The following METTL6 variants were observed in gnomAD, a reference collection of about 807,000 sequenced individuals.
The protein encoded by METTL6 is tRNA N(3)-cytidine methyltransferase METTL6.
In METTL6, 22 loss-of-function variants were observed where a neutral mutation model predicts 26.4. The observed-to-expected ratio is 0.83, with a 90% CI of 0.59 to 1.19. The LOEUF is 1.19. Among genes scored for constraint, METTL6 ranks in the 50% most tolerant of loss-of-function variants. METTL6 has a pLI of 0.00. For missense variants in METTL6, 304 were observed against 324.8 expected, an observed-to-expected ratio of 0.94 and a Z score of 0.49; for synonymous variants, 109 against 116.2, an observed-to-expected ratio of 0.94 and a Z score of 0.40.
intron 3 of METTL6, among the ~76,000 whole-genome samples, chr3:15,419,460 C>T (rs567334158): frequency 1.3e-5 from 2 of 152,300 alleles, no homozygotes; most frequent in East Asian, 3.9e-4. Context: ...AATAAACTCA[C>T]AGCTAACTAT....
intron 6 of METTL6, among the ~76,000 whole-genome samples, chr3:15,392,882 C>T (rs968350138): frequency 1.4e-4 from 22 of 152,154 alleles, no homozygotes; most frequent in Non-Finnish European, 2.9e-4. Context: ...CAGTACCATG[C>T]TGTTTTGCTT....
intron 6 of METTL6, among the ~76,000 whole-genome samples, chr3:15,402,750 G>GA (rs1457921389): frequency 1.6e-5 from 2 of 127,834 alleles, no homozygotes; most frequent in African/African-American, 3.1e-5. Context: ...AAAAAAAAAA[G>GA]AAAAAGAAAA....
At chr3:15,385,771 T>C (rs534397474) in intron 6 of METTL6, among the ~76,000 whole-genome samples, 7 of 152,346 alleles carry the variant, frequency 4.6e-5, no homozygotes, top group Admixed American at 1.3e-4. Flanking sequence ...GCAACTTAAC[T>C]TGAATCTGTG....
chr3:15,384,186 AC>A (rs767866097), exon 7 of METTL6: 3 of 372,674 alleles, frequency 8.0e-6, no homozygotes, highest in African/African-American at 2.3e-5. Context: ...TTTGTTTGAG[AC>A]CTGAAAAAGA....
chr3:15,417,091 G>A (rs1456448133), intron 3 of METTL6, among the ~76,000 whole-genome samples: 3 of 152,218 alleles, frequency 2.0e-5, no homozygotes, highest in Non-Finnish European at 4.4e-5. Context: ...AGGATCGCTT[G>A]AGTTCAAAGC....
At chr3:15,413,863 C>T (rs202247427) in intron 5 of METTL6, 158 bp downstream of exon 5, 15 of 1,516,008 alleles carry the variant, frequency 9.9e-6, no homozygotes, top group Non-Finnish European at 1.3e-5. Context: ...AGGTCTGTGC[C>T]TTCCAGGTGC....
intron 6 of METTL6, among the ~76,000 whole-genome samples, chr3:15,401,147 C>A (rs1288774316): frequency 6.6e-6 from 1 of 152,120 alleles, no homozygotes; most frequent in African/African-American, 2.4e-5. Context: ...TCACGCCATT[C>A]TCCTGCCTCA....
chr3:15,424,811 G>T, intron 3 of METTL6, 144 bp downstream of exon 3: 1 of 1,012,972 alleles, frequency 9.9e-7, no homozygotes, highest in Non-Finnish European at 1.5e-6. Flanking sequence ...GTATATGTAT[G>T]TAAGCAGGAC....
chr3:15,384,543 C>A (rs1242999125), intron 6 of METTL6: 1 of 157,000 alleles, frequency 6.4e-6, no homozygotes, highest in African/African-American at 2.4e-5. Context: ...GAGTTCAGGA[C>A]CAGCCTGGGC....
At chr3:15,392,079 C>T (rs1450684187) in intron 6 of METTL6, among the ~76,000 whole-genome samples, 1 of 152,106 alleles carries the variant, frequency 6.6e-6, no homozygotes, top group East Asian at 1.9e-4. Context: ...ACCACACTGA[C>T]TTCCACAATG....
intron 6 of METTL6, among the ~76,000 whole-genome samples, chr3:15,386,136 T>C (rs563291665): frequency 6.6e-6 from 1 of 152,290 alleles, no homozygotes; most frequent in South Asian, 2.1e-4. Context: ...TGGCAAAGGG[T>C]GGGCAATTTC....
At position 15,426,631 on chromosome 3, in the gene METTL6, G is replaced by A. The variant is rs2061731275; in HGVS notation, c.-120C>T. 1 of 872,276 alleles carries A rather than the reference G, an allele frequency of 1.1e-6. No individual in the cohort carries two copies. Among genetic ancestry groups the A allele is most frequent in the Non-Finnish European group, 1.8e-6 (1 of 561,764 alleles). 54.0% of individuals were successfully genotyped at this position (872,276 alleles called of 1,614,324 possible). On this transcript the variant is annotated 5_prime_UTR_variant, in exon 2 of 6. Transcript: ENST00000383790. ...TGAGTTTCACGCCTCAAACAGCACA[G>A]GGGGCTTCGCAGAGAAAAGAATTAG... is the stretch of plus-strand genomic sequence containing the variant.
chr3:15,426,201 A>G (rs758987695), intron 2 of METTL6, 86 bp downstream of exon 2: 12 of 1,342,654 alleles, frequency 8.9e-6, no homozygotes, highest in South Asian at 1.3e-5. Flanking sequence ...GGCCTCCCCA[A>G]GTACTGGGAT....
At chr3:15,411,683 C>A (rs1001229441) in intron 5 of METTL6, among the ~76,000 whole-genome samples, 6 of 151,838 alleles carry the variant, frequency 4.0e-5, no homozygotes, top group African/African-American at 1.5e-4. Flanking sequence ...TCGCATCTTG[C>A]CTTATTATGA....
At chr3:15,394,420 C>T (rs554525421) in intron 6 of METTL6, among the ~76,000 whole-genome samples, 1 of 152,242 alleles carries the variant, frequency 6.6e-6, no homozygotes, top group East Asian at 1.9e-4. Flanking sequence ...AGCGGTCTAT[C>T]AATTTTGTTG....
chr3:15,416,756 C>A (rs1297688202), intron 3 of METTL6, among the ~76,000 whole-genome samples: 1 of 152,134 alleles, frequency 6.6e-6, no homozygotes, highest in Non-Finnish European at 1.5e-5. Flanking sequence ...GGCTTCAACA[C>A]ATGTATAGGA....
At chr3:15,389,746 T>C (rs1366967296) in intron 6 of METTL6, among the ~76,000 whole-genome samples, 2 of 151,532 alleles carry the variant, frequency 1.3e-5, no homozygotes, top group Admixed American at 1.3e-4. Context: ...ATGGGGTTTC[T>C]CCATGTTGGT....
chr3:15,384,551 G>C (rs1387171633), intron 6 of METTL6: 1 of 156,336 alleles, frequency 6.4e-6, no homozygotes, highest in African/African-American at 2.4e-5. Context: ...GACCAGCCTG[G>C]GCAACATAGC....
intron 3 of METTL6, among the ~76,000 whole-genome samples, chr3:15,419,861 CTTTTTTTT>C (rs1324825917): frequency 7.6e-6 from 1 of 132,352 alleles, no homozygotes; most frequent in Non-Finnish European, 1.6e-5. Flanking sequence ...AACTGTTTTT[CTTTTTTTT>C]TTTTTTTTTT....
Sources: gnomAD v4.1 joint callset for allele counts (sites outside exome capture counted in the v4.1 genomes callset) on GRCh38, gnomAD v4.1.1 for gene constraint, MANE v1.5 for transcripts, NCBI Gene and HGNC (gene_info 2026-07-23, HGNC 2026-07-21) for gene names.